PPARG: variants seen among roughly 807,000 people sequenced by gnomAD.
PPARG encodes the protein peroxisome proliferator-activated receptor gamma.
PPARG carries 17 observed loss-of-function variants against 39.2 expected under a neutral mutation model. That is an observed-to-expected ratio of 0.43 (90% CI 0.30 to 0.65). PPARG has a LOEUF of 0.65. Ranked by LOEUF, PPARG falls within the 30% of genes least tolerant of loss-of-function variation. PPARG has a pLI of 0.13. For missense variants in PPARG, 406 were observed against 585.9 expected (o/e 0.69, Z 3.17); for synonymous variants, 223 against 215.7 (o/e 1.03, Z -0.30).
At chr3:12,290,553 G>T (rs891633790) in intron 1 of PPARG, among the ~76,000 whole-genome samples, 1 of 151,956 alleles carries the variant, frequency 6.6e-6, no homozygotes, top group Non-Finnish European at 1.5e-5. Flanking sequence ...GCTTTAAATT[G>T]CAATATTTCT....
intron 2 of PPARG, among the ~76,000 whole-genome samples, chr3:12,316,882 A>C (rs908669095): frequency 6.6e-6 from 1 of 152,178 alleles, no homozygotes; most frequent in Non-Finnish European, 1.5e-5. Context: ...TTAATTTATA[A>C]CTAAGACAAA....
intron 4 of PPARG, among the ~76,000 whole-genome samples, chr3:12,382,432 C>G (rs897421237): frequency 6.6e-6 from 1 of 152,120 alleles, no homozygotes; most frequent in Non-Finnish European, 1.5e-5. Flanking sequence ...ACGCATTGCA[C>G]AGAATAAACT....
intron 7 of PPARG, among the ~76,000 whole-genome samples, chr3:12,421,520 C>T (rs552517446): frequency 6.6e-6 from 1 of 152,252 alleles, no homozygotes; most frequent in South Asian, 2.1e-4. Flanking sequence ...GGATGTTTTG[C>T]CCCCTTGAGT....
intron 7 of PPARG, among the ~76,000 whole-genome samples, chr3:12,425,188 C>T (rs780497711): frequency 1.6e-4 from 24 of 152,138 alleles, no homozygotes; most frequent in African/African-American, 2.9e-4. Context: ...GGGGAGGATT[C>T]GGACGTCCTG....
At chr3:12,371,789 T>A in intron 2 of PPARG, 1 of 607,660 alleles carries the variant, frequency 1.6e-6, no homozygotes, top group Non-Finnish European at 3.1e-6. Context: ...TCACTTTGCC[T>A]CATTTTCTTT....
At position 12,381,449 on chromosome 3, in the gene PPARG, T is replaced by C. The variant is rs147975759; in HGVS notation, c.348T>C (p.Ala116=). 4.0e-4 allele frequency: 638 copies of C among 1,613,664 alleles called. 2 individuals carry two copies. The Middle Eastern group carries it at 8.6e-3, about 22-fold the overall frequency. ...AIECRVCGDK[A]SGFHYGVHAC... is the part of the protein sequence containing the mutation. The stretch of plus-strand genomic sequence containing the variant: ...AATGTCGTGTCTGTGGAGATAAAGC[T>C]TCTGGATTTCACTATGGAGTTCATG... Residue 116 remains alanine (A), a synonymous_variant, in exon 4 of 8, where the codon GCT becomes GCC. Coordinates refer to ENST00000651735, the MANE Select transcript of PPARG (RefSeq NM_138711.6).
intron 2 of PPARG, among the ~76,000 whole-genome samples, chr3:12,317,364 C>CA (rs71628750): frequency 1.3e-5 from 2 of 152,108 alleles, no homozygotes; most frequent in African/African-American, 4.8e-5. Flanking sequence ...CACAACCACA[C>CA]AAAAAAACTA....
At chr3:12,347,960 G>GTT (rs1233280732) in intron 2 of PPARG, among the ~76,000 whole-genome samples, 1 of 152,054 alleles carries the variant, frequency 6.6e-6, no homozygotes, top group Non-Finnish European at 1.5e-5. Flanking sequence ...TTTAAATGAG[G>GTT]TTATAGCAAA....
intron 2 of PPARG, among the ~76,000 whole-genome samples, chr3:12,372,389 G>A (rs1170473955): frequency 1.3e-5 from 2 of 152,142 alleles, no homozygotes; most frequent in Non-Finnish European, 2.9e-5. Flanking sequence ...TAGTTACTGC[G>A]TACTTTTAGG....
Position 12,416,856 on chromosome 3 carries a change from C to T in PPARG, c.882C>T (p.Ile294=). 1 of 1,614,152 alleles carries T rather than the reference C, an allele frequency of 6.2e-7. No individual in the cohort carries two copies. Among genetic ancestry groups the T allele is most frequent in the Admixed American group, 1.7e-5 (1 of 60,014 alleles). The change falls in exon 7 of 8, where the codon ATC becomes ATT. Residue 294 remains isoleucine (I), a synonymous_variant. Coordinates refer to ENST00000651735, the MANE Select transcript of PPARG (RefSeq NM_138711.6). ...GCTCCGTGGAGGCTGTGCAGGAGATCACAGAGTATGCCAAAAGCATTCCTG... is the reference window on the plus strand; with the variant it reads ...GCTCCGTGGAGGCTGTGCAGGAGATTACAGAGTATGCCAAAAGCATTCCTG... The part of the protein sequence containing the change: ...QFRSVEAVQE[I]TEYAKSIPGF...
At chr3:12,306,880 C>A (rs928394617) in intron 1 of PPARG, among the ~76,000 whole-genome samples, 5 of 151,880 alleles carry the variant, frequency 3.3e-5, no homozygotes, top group Non-Finnish European at 7.4e-5. Context: ...TGGTGGATCA[C>A]GAGGTCAGGA....
At chr3:12,362,363 C>T (rs9883193) in intron 2 of PPARG, among the ~76,000 whole-genome samples, 4,437 of 151,740 alleles carry the variant, frequency 0.029, 202 homozygotes, top group African/African-American at 0.1. Flanking sequence ...ACTAAAAATA[C>T]GAAAAATTAG....
intron 4 of PPARG, among the ~76,000 whole-genome samples, chr3:12,384,806 G>A (rs1359986279): frequency 6.6e-6 from 1 of 152,096 alleles, no homozygotes; most frequent in East Asian, 1.9e-4. Context: ...AGCTCTGGTA[G>A]CTAATGGAAT....
At chr3:12,310,038 C>G (rs186199743) in intron 1 of PPARG, among the ~76,000 whole-genome samples, 1 of 152,134 alleles carries the variant, frequency 6.6e-6, no homozygotes, top group Non-Finnish European at 1.5e-5. Flanking sequence ...TCTACTCCCC[C>G]CAGAATGGAT....
At chr3:12,351,824 C>T (rs976413515) in intron 2 of PPARG, 17 of 695,432 alleles carry the variant, frequency 2.4e-5, no homozygotes, top group Middle Eastern at 2.5e-4. Flanking sequence ...GTTGCTATCG[C>T]GTTCATTTAA....
intron 7 of PPARG, among the ~76,000 whole-genome samples, chr3:12,417,888 CTTTTTTTTTTTTCCTTTTTTTT>C (rs2051125838): frequency 1.2e-4 from 8 of 64,064 alleles, no homozygotes; most frequent in Admixed American, 4.7e-4. Context: ...TTTTTTTTTT[CTTTTTTTTTTTTCCTTTTTTTT>C]TTTTTTTTTT....
chr3:12,387,878 T>C (rs1474180901), intron 4 of PPARG, among the ~76,000 whole-genome samples: 2 of 42 alleles, frequency 0.048, no homozygotes, highest in Non-Finnish European at 0.077. Flanking sequence ...TTAATCCATC[T>C]TGAGTTAATT....
At chr3:12,406,557 T>TTTTTTTTTTTTTTTTTTTTTC (rs2050679424) in intron 6 of PPARG, 1 of 148,556 alleles carries the variant, frequency 6.7e-6, no homozygotes, top group Admixed American at 6.4e-5. Flanking sequence ...TTTTTTTTTT[T>TTTTTTTTTTTTTTTTTTTTTC]GAGATGTCGT....
chr3:12,410,853 T>G (rs983291495), intron 6 of PPARG, among the ~76,000 whole-genome samples: 2 of 152,212 alleles, frequency 1.3e-5, no homozygotes, highest in African/African-American at 4.8e-5. Flanking sequence ...AATCCTACAC[T>G]TACAGCTAAA....
Sources: gnomAD v4.1 joint callset for allele counts (sites outside exome capture counted in the v4.1 genomes callset) on GRCh38, gnomAD v4.1.1 for gene constraint, MANE v1.5 for transcripts, NCBI Gene and HGNC (gene_info 2026-07-23, HGNC 2026-07-21) for gene names.